Variants in MEGF6 observed in about 807,000 individuals in gnomAD.
MEGF6 encodes multiple epidermal growth factor-like domains protein 6.
MEGF6 carries 184 observed loss-of-function variants against 207.1 expected under a neutral mutation model. The ratio of observed to expected loss-of-function variants is 0.89; its 90% confidence interval spans 0.79 to 1.00. The LOEUF is 1.00. MEGF6 is among the 50% of genes least tolerant of loss of function. The pLI is 0.00. For synonymous variants in MEGF6, 1,038 were observed against 910.0 expected, an observed-to-expected ratio of 1.14 and a Z score of -2.53; for missense variants, 2,282 against 2,202.9, an observed-to-expected ratio of 1.04 and a Z score of -0.72.
intron 11 of MEGF6, 27 bp from the exon 12 acceptor site, chr1:3,509,272 C>A: frequency 7.1e-7 from 1 of 1,414,048 alleles, no homozygotes. Context: ...GGCGCCTTAG[C>A]CCCTGCCACC....
intron 4 of MEGF6, among the ~76,000 whole-genome samples, chr1:3,557,334 AAAAC>A (rs1182605205): frequency 2.6e-5 from 4 of 152,226 alleles, no homozygotes; most frequent in Admixed American, 2.6e-4. Flanking sequence ...TTTACCATGA[AAAAC>A]AAACAGAACG....
At position 3,555,702 on chromosome 1, in the gene MEGF6, G is replaced by A. The variant is rs72853573; in HGVS notation, c.481+24123C>T. Among the ~76,000 whole-genome samples, 461 of 152,254 alleles carry A rather than the reference G, an allele frequency of 3.0e-3. 2 individuals are homozygous for A. Among genetic ancestry groups the A allele is most frequent in the African/African-American group, 0.01 (422 of 41,558 alleles). ...AGCCTTCTCCAGCCCGCCCTGCCCCGCAGGGCTGCCAGGTCAGGTGCCTGC... is the reference window on the plus strand; with the variant it reads ...AGCCTTCTCCAGCCCGCCCTGCCCCACAGGGCTGCCAGGTCAGGTGCCTGC... On this transcript the variant is annotated intron_variant, in intron 4 of 36. Transcript: ENST00000356575.
chr1:3,499,674 C>A lies in MEGF6; in HGVS notation c.2879G>T (p.Cys960Phe). 6.2e-7 allele frequency: 1 copy of A among 1,600,318 alleles called. No homozygotes were observed. The highest frequency in any genetic ancestry group is 1.3e-5 in the African/African-American group (1 of 74,916). Residue 960 changes from cysteine to phenylalanine, a missense_variant, in exon 23 of 37, where the codon TGC becomes TTC. Cys to Phe is a radical substitution (Grantham distance 205). Coordinates refer to ENST00000356575, the MANE Select transcript of MEGF6 (RefSeq NM_001409.4). ...GFFGLDCRSA[C>F]NCTAGAACDA... The stretch of plus-strand genomic sequence containing the variant: ...ACAGGCAGCTCCGGCGGTGCAGTTG[C>A]AGGCACTGCGACAGTCCAATCCAAA...
chr1:3,502,024 A>T, intron 17 of MEGF6, 103 bp from the exon 18 acceptor site: 1 of 1,497,946 alleles, frequency 6.7e-7, no homozygotes, highest in Non-Finnish European at 9.0e-7. Context: ...TGTGCCTCAC[A>T]TGGGCTCCTG....
intron 1 of MEGF6, among the ~76,000 whole-genome samples, chr1:3,606,433 A>C (rs1377896467): frequency 6.6e-6 from 1 of 152,152 alleles, no homozygotes; most frequent in African/African-American, 2.4e-5. Context: ...CCTGGGTTTG[A>C]ATCTCAGCTC....
intron 4 of MEGF6, among the ~76,000 whole-genome samples, chr1:3,574,396 T>C (rs1249207855): frequency 1.3e-5 from 2 of 152,026 alleles, no homozygotes; most frequent in East Asian, 1.9e-4. Flanking sequence ...CCGGAACAAA[T>C]TGCACCTCCC....
chr1:3,606,346 A>G (rs1644249627), intron 1 of MEGF6, among the ~76,000 whole-genome samples: 1 of 152,200 alleles, frequency 6.6e-6, no homozygotes, highest in Non-Finnish European at 1.5e-5. Context: ...GCCCAAGCCC[A>G]CCAGGGGATG....
At chr1:3,522,435 G>A (rs905839273) in intron 5 of MEGF6, among the ~76,000 whole-genome samples, 1 of 152,194 alleles carries the variant, frequency 6.6e-6, no homozygotes, top group African/African-American at 2.4e-5. Flanking sequence ...CCCTGCCCAG[G>A]GGCCCTGGCA....
chr1:3,578,514 G>A (rs1046524329), intron 4 of MEGF6, among the ~76,000 whole-genome samples: 2 of 150,968 alleles, frequency 1.3e-5, no homozygotes, highest in African/African-American at 4.9e-5. Context: ...GATGTCACAG[G>A]GCAATGACAG....
chr1:3,604,209 G>A (rs1036989397), intron 1 of MEGF6, among the ~76,000 whole-genome samples: 4 of 152,212 alleles, frequency 2.6e-5, no homozygotes, highest in African/African-American at 9.6e-5. Flanking sequence ...ATGACCTCCT[G>A]CCGAGAGGTT....
intron 4 of MEGF6, among the ~76,000 whole-genome samples, chr1:3,567,462 C>T (rs552957345): frequency 1.3e-5 from 2 of 152,364 alleles, no homozygotes; most frequent in South Asian, 2.1e-4. Context: ...GCAGACCCTG[C>T]GTGTTTATTG....
chr1:3,607,830 C>CAG (rs1407436687), intron 1 of MEGF6, among the ~76,000 whole-genome samples: 1 of 152,258 alleles, frequency 6.6e-6, no homozygotes, highest in Non-Finnish European at 1.5e-5. Flanking sequence ...TGCTCCCGAG[C>CAG]AGAGCCGGGG....
intron 29 of MEGF6, 118 bp downstream of exon 29, chr1:3,496,537 C>T: frequency 6.9e-7 from 1 of 1,457,264 alleles, no homozygotes; most frequent in Non-Finnish European, 9.3e-7. Context: ...CAGGCCCAGC[C>T]AGAGGGGGCT....
chr1:3,517,642 C>A (rs1641597174), intron 5 of MEGF6, among the ~76,000 whole-genome samples: 1 of 152,224 alleles, frequency 6.6e-6, no homozygotes, highest in Non-Finnish European at 1.5e-5. Flanking sequence ...GACACTGAGA[C>A]CCAGCTGCAA....
Position 3,509,878 on chromosome 1 carries a change from C to T in MEGF6, c.1349G>A (p.Gly450Asp). Residue 450 changes from glycine to aspartate, a missense_variant, in exon 11 of 37, where the codon GGC becomes GAC. Transcript: ENST00000356575. ...GAGGGCGGGAGACTCACGGCTGCAG[C>T]CCCTACGGTCCTCGTGCAGCCGGTA... ...AGYRLHEDRR[G>D]CSPLEEPMVD... is the part of the protein sequence containing the mutation. The T allele has an allele frequency of 6.4e-7, 1 of 1,557,776 alleles. No individual in the cohort carries two copies. The highest frequency in any genetic ancestry group is 8.7e-7 in the Non-Finnish European group (1 of 1,153,358).
chr1:3,585,167 C>CAT (rs1643874453), intron 3 of MEGF6, among the ~76,000 whole-genome samples: 1 of 140,016 alleles, frequency 7.1e-6, no homozygotes, highest in Admixed American at 7.0e-5. Context: ...TGTGTGGACA[C>CAT]GTCCTGTGTG....
At chr1:3,498,896 C>G (rs1195065242) in intron 24 of MEGF6, 70 bp from the exon 25 acceptor site, 1 of 1,525,148 alleles carries the variant, frequency 6.6e-7, no homozygotes, top group Non-Finnish European at 8.8e-7. Flanking sequence ...GTCTGGCTTT[C>G]CAGCCCCATG....
intron 1 of MEGF6, among the ~76,000 whole-genome samples, chr1:3,605,586 TCATA>T (rs1303355762): frequency 1.3e-5 from 2 of 151,374 alleles, no homozygotes; most frequent in South Asian, 2.1e-4. Context: ...ACACATACAC[TCATA>T]CAATGACACA....
intron 4 of MEGF6, among the ~76,000 whole-genome samples, chr1:3,527,102 G>T (rs1641992910): frequency 6.6e-6 from 1 of 152,192 alleles, no homozygotes; most frequent in South Asian, 2.1e-4. Flanking sequence ...TCCATGATCG[G>T]CTGTGACCAC....
Sources: gnomAD v4.1 joint callset for allele counts (sites outside exome capture counted in the v4.1 genomes callset) on GRCh38, gnomAD v4.1.1 for gene constraint, MANE v1.5 for transcripts, NCBI Gene and HGNC (gene_info 2026-07-23, HGNC 2026-07-21) for gene names.